The following ARHGAP29 variants were observed in gnomAD, a reference collection of about 807,000 sequenced individuals.
ARHGAP29 encodes the protein rho GTPase-activating protein 29.
Under a neutral mutation model 122.6 loss-of-function variants are expected in ARHGAP29, and 43 were observed. The ratio of observed to expected loss-of-function variants is 0.35; its 90% confidence interval spans 0.27 to 0.45. ARHGAP29 has a LOEUF of 0.45. ARHGAP29 is among the 20% of genes least tolerant of loss of function. The pLI is 1.00. For missense variants in ARHGAP29, 1,303 were observed against 1,477.2 expected (o/e 0.88, Z 1.93); for synonymous variants, 506 against 497.1 (o/e 1.02, Z -0.24).
the ARHGAP29 span, among the ~76,000 whole-genome samples, chr1:94,305,784 G>T: frequency 6.6e-6 from 1 of 152,188 alleles, no homozygotes; most frequent in African/African-American, 2.4e-5. Flanking sequence ...TCTAATTGGT[G>T]GTATGTGCTA....
In ARHGAP29 at chr1:94,186,487, T is replaced by G; in HGVS notation, c.1780+12A>C. On this transcript the variant is annotated intron_variant, in intron 16 of 22. Coordinates refer to ENST00000260526, the MANE Select transcript of ARHGAP29 (RefSeq NM_004815.4). ...CTGGTTTAGTGGGACTTAATTCAGG[T>G]AAATACAATACCAGTTTCTGAAGGG... 1 of 1,597,958 alleles carries G rather than the reference T, an allele frequency of 6.3e-7. No individual in the cohort carries two copies. The highest frequency in any genetic ancestry group is 8.6e-7 in the Non-Finnish European group (1 of 1,165,754).
At chr1:94,289,997 T>G in the ARHGAP29 span, among the ~76,000 whole-genome samples, 1 of 152,222 alleles carries the variant, frequency 6.6e-6, no homozygotes, top group South Asian at 2.1e-4. Flanking sequence ...AGGATGATGC[T>G]GGACTCAGAA....
intron 7 of ARHGAP29, among the ~76,000 whole-genome samples, 193 bp downstream of exon 7, chr1:94,204,868 T>A (rs536114767): frequency 1.3e-5 from 2 of 152,182 alleles, no homozygotes; most frequent in Non-Finnish European, 2.9e-5. Context: ...TGTCCCTAGG[T>A]CTAGTAGTTG....
intron 19 of ARHGAP29, among the ~76,000 whole-genome samples, chr1:94,182,325 C>G (rs1297658680): frequency 2.0e-5 from 3 of 151,846 alleles, no homozygotes; most frequent in African/African-American, 7.3e-5. Context: ...ACTAGAGAAC[C>G]TGTCCAGGTT....
upstream of ARHGAP29, among the ~76,000 whole-genome samples, chr1:94,238,040 T>C (rs921514528): frequency 2.0e-5 from 3 of 150,172 alleles, no homozygotes; most frequent in African/African-American, 4.9e-5. Flanking sequence ...AGTTTCCACT[T>C]AGGCCTATCT....
chr1:94,189,687 C>T (rs1650018945), intron 13 of ARHGAP29, among the ~76,000 whole-genome samples: 1 of 152,002 alleles, frequency 6.6e-6, no homozygotes, highest in Admixed American at 6.6e-5. Flanking sequence ...ATATGCCATT[C>T]CCAAAGGATT....
chr1:94,278,078 G>A (rs1655246658), upstream of ARHGAP29, among the ~76,000 whole-genome samples: 1 of 152,212 alleles, frequency 6.6e-6, no homozygotes, highest in Admixed American at 6.5e-5. Flanking sequence ...AGCTTTGGGA[G>A]GCCAAGGTTG....
At chr1:94,174,882 CT>C in intron 22 of ARHGAP29, 133 bp from the exon 23 acceptor site, 1 of 1,010,972 alleles carries the variant, frequency 9.9e-7, no homozygotes, top group Non-Finnish European at 1.4e-6. Flanking sequence ...TCTCAGTTAC[CT>C]ATGTGGAGGA....
chr1:94,237,537 TCAGCCGCAGCCGCAGCCG>T lies in ARHGAP29; in HGVS notation c.-173_-156del. 1.0e-6 allele frequency: 1 copy of T among 990,636 alleles called. No homozygotes were observed. Among genetic ancestry groups the T allele is most frequent in the Non-Finnish European group, 1.2e-6 (1 of 834,018 alleles). The allele number at this position is 990,636 out of a possible 1,614,324, so 61.4% of individuals were successfully genotyped here. A position where few individuals can be genotyped will look rare whatever the true frequency, so the allele number is the denominator to read the frequency against. On this transcript the variant is annotated 5_prime_UTR_variant, in exon 1 of 23. Transcript: ENST00000260526. ...CGGCCTGCGGACGCCCGGCCAAATC[TCAGCCGCAGCCGCAGCCG>T]CAGCCACAGCCACAGGCACCACCAC...
chr1:94,252,977 A>AT lies in ARHGAP29; in HGVS notation c.-32-21335dup, dbSNP rs527695874. Among the ~76,000 whole-genome samples, 639 of 147,150 alleles carry AT rather than the reference A, an allele frequency of 4.3e-3. 3 individuals are homozygous for AT. Among genetic ancestry groups the AT allele is most frequent in the South Asian group, 9.2e-3 (43 of 4,650 alleles). On this transcript the variant is annotated intron_variant and NMD_transcript_variant, in intron 1 of 25. Coordinates refer to the ARHGAP29 transcript ENST00000552844. ...GAGCTTATTCACTTCATTCTCCTTT[A>AT]TTTTTTTTTTTGAGACAGAGTCTCA...
At chr1:94,308,817 G>C in the ARHGAP29 span, among the ~76,000 whole-genome samples, 2 of 152,194 alleles carry the variant, frequency 1.3e-5, no homozygotes, top group South Asian at 2.1e-4. Flanking sequence ...TGAAGAGAGG[G>C]GAGTCAGTGC....
rs780266202 is a variant in ARHGAP29 at position 94,209,237 on chromosome 1, G to C, written c.437+17C>G. ...ACACCTAGGACTAGTTGCTTTAAAT[G>C]ACAGTTCTCTACTTACATATTTCCA... On this transcript the variant is annotated intron_variant, in intron 4 of 22. Transcript: ENST00000260526. 1.3e-6 allele frequency: 2 copies of C among 1,567,616 alleles called. No homozygotes were observed. Among genetic ancestry groups the C allele is most frequent in the East Asian group, 4.5e-5 (2 of 44,550 alleles).
chr1:94,220,396 TA>T lies in ARHGAP29; in HGVS notation c.206-5del. 1 of 1,572,016 alleles carries T rather than the reference TA, an allele frequency of 6.4e-7. No homozygotes were observed. The highest frequency in any genetic ancestry group is 8.6e-7 in the Non-Finnish European group (1 of 1,161,244). On this transcript the variant is annotated splice_polypyrimidine_tract_variant and splice_region_variant and intron_variant, in intron 2 of 22. Transcript: ENST00000260526. Reference sequence around the variant, plus strand: ...TGAATAACTTCTTTAAAACAGTCTTTAAAAAGAAAAAAAAATAATTTATTTC... The same window carrying T: ...TGAATAACTTCTTTAAAACAGTCTTTAAAAGAAAAAAAAATAATTTATTTC...
At chr1:94,289,816 C>T in the ARHGAP29 span, among the ~76,000 whole-genome samples, 1 of 152,258 alleles carries the variant, frequency 6.6e-6, no homozygotes, top group South Asian at 2.1e-4. Context: ...CTATGTTGAA[C>T]CAGCCTTACA....
intron 12 of ARHGAP29, 103 bp downstream of exon 12, chr1:94,201,617 C>T: frequency 2.1e-6 from 3 of 1,438,178 alleles, no homozygotes; most frequent in South Asian, 2.5e-5. Context: ...AAGTGATCCT[C>T]CCACCTCAGC....
chr1:94,175,697 ATTGTT>A (rs1170008970), intron 22 of ARHGAP29, among the ~76,000 whole-genome samples: 2 of 150,928 alleles, frequency 1.3e-5, no homozygotes, highest in East Asian at 3.9e-4. Context: ...AGGCTCTTTT[ATTGTT>A]TTGTTTTGTT....
chr1:94,268,262 CTCT>C (rs1271780225), intron 1 of ARHGAP29, among the ~76,000 whole-genome samples: 2 of 152,124 alleles, frequency 1.3e-5, no homozygotes, highest in African/African-American at 2.4e-5. Context: ...TAAGTCCCTT[CTCT>C]TCTTTAAGTT....
chr1:94,250,385 C>T (rs1414647425), intron 1 of ARHGAP29: 1 of 152,210 alleles, frequency 6.6e-6, no homozygotes, highest in Non-Finnish European at 1.5e-5. Flanking sequence ...TTAGATTCTC[C>T]TCAACCATGA....
Position 94,237,513 on chromosome 1 carries a change from G to C in ARHGAP29, c.-131C>G, listed in dbSNP as rs1320623672. ...GGAGCTCGCTGCCCCCATCCCCCAC[G>C]GCCTGCGGACGCCCGGCCAAATCTC... On this transcript the variant is annotated 5_prime_UTR_variant, in exon 1 of 23. Coordinates refer to ENST00000260526, the MANE Select transcript of ARHGAP29 (RefSeq NM_004815.4). 9 of 989,166 alleles carry C rather than the reference G, an allele frequency of 9.1e-6. No individual in the cohort carries two copies. The highest frequency in any genetic ancestry group is 1.1e-5 in the Non-Finnish European group (9 of 832,702). The allele number at this position is 989,166 out of a possible 1,614,324, so 61.3% of individuals were successfully genotyped here. A position where few individuals can be genotyped will look rare whatever the true frequency, so the allele number is the denominator to read the frequency against.
Sources: allele counts gnomAD v4.1 joint callset (sites outside exome capture counted in the v4.1 genomes callset), GRCh38; gene constraint gnomAD v4.1.1; transcripts MANE v1.5; gene names NCBI Gene and HGNC (gene_info 2026-07-23, HGNC 2026-07-21).